The following GEMIN5 variants were observed in gnomAD, a reference collection of about 807,000 sequenced individuals.
GEMIN5 encodes the protein gem nuclear organelle associated protein 5, also known as gem-associated protein 5.
GEMIN5 carries 124 observed loss-of-function variants against 176.9 expected under a neutral mutation model. The ratio of observed to expected loss-of-function variants is 0.70; its 90% CI spans 0.61 to 0.81. The LOEUF (loss-of-function observed/expected upper bound fraction) is 0.81, where lower values mean the gene tolerates loss of function less well. Ranked by LOEUF, GEMIN5 falls within the 40% of genes least tolerant of loss-of-function variation. GEMIN5 has a pLI of 0.00. For synonymous variants in GEMIN5, 673 were observed against 665.2 expected (o/e 1.01, Z -0.18); for missense variants, 1,843 against 1,814.6 (o/e 1.02, Z -0.28).
rs116664700 is a variant in GEMIN5 at position 154,901,946 on chromosome 5, A to G, written c.2867-460T>C. Among the ~76,000 whole-genome samples, 434 of 152,210 alleles carry G rather than the reference A, an allele frequency of 2.9e-3. 2 individuals are homozygous for G. Among genetic ancestry groups the G allele is most frequent in the African/African-American group, 9.8e-3 (406 of 41,544 alleles). On this transcript the variant is annotated intron_variant, in intron 20 of 27. Coordinates refer to ENST00000285873, the MANE Select transcript of GEMIN5 (RefSeq NM_015465.5). Reference sequence around the variant, plus strand: ...CTCCCGAGTAGCGGGGACTACAGGTACATGTCACCATGCCCAGATAATTTT... The same window carrying G: ...CTCCCGAGTAGCGGGGACTACAGGTGCATGTCACCATGCCCAGATAATTTT...
At position 154,931,556 on chromosome 5, in the gene GEMIN5, C is replaced by T. The variant is rs150001407; in HGVS notation, c.683G>A (p.Gly228Glu). 1.9e-6 allele frequency: 3 copies of T among 1,604,598 alleles called. No homozygotes were observed. Among genetic ancestry groups the T allele is most frequent in the African/African-American group, 1.3e-5 (1 of 74,758 alleles). Reference protein sequence around the residue: ...ETSEEAEITNGNAVAQAPVTK... With the variant: ...ETSEEAEITNENAVAQAPVTK... ...TACTGGAGCTTGTGCTACAGCATTC[C>T]CGTTGGTAATTTCAGCTTCTTCTAT... Residue 228 changes from glycine (G) to glutamate (E), a missense_variant, in exon 5 of 28, where the codon GGG (glycine) becomes GAG (glutamate). Gly to Glu is a moderately conservative substitution (Grantham distance 98). Transcript: ENST00000285873.
chr5:154,924,467 A>C lies in GEMIN5; in HGVS notation c.1379+2T>G, dbSNP rs140946196. 2 of 1,591,478 alleles carry C rather than the reference A, an allele frequency of 1.3e-6. No homozygotes were observed. The highest frequency in any genetic ancestry group is 2.7e-5 in the African/African-American group (2 of 74,542). On this transcript the variant is annotated splice_donor_variant, in intron 9 of 27. Coordinates refer to ENST00000285873, the MANE Select transcript of GEMIN5 (RefSeq NM_015465.5). LOFTEE classifies it high-confidence loss of function. ...ATGGAAGAAGAATCACCCATTTCTT[A>C]CTTGTTGGAGTAGGTGTCATACAAT...
chr5:154,917,997 A>G lies in GEMIN5; in HGVS notation c.1607T>C (p.Leu536Ser). 1 of 1,608,596 alleles carries G rather than the reference A, an allele frequency of 6.2e-7. No homozygotes were observed. The highest frequency in any genetic ancestry group is 8.5e-7 in the Non-Finnish European group (1 of 1,175,140). ...CCAACTTATCTCTGTGTGTACAGGCAATTTGTACTAGAAAGCAAAACAAAC... is the reference window on the plus strand; with the variant it reads ...CCAACTTATCTCTGTGTGTACAGGCGATTTGTACTAGAAAGCAAAACAAAC... ...IRDTNSIKYK[L>S]PVHTEISWKA... Residue 536 changes from leucine to serine, a missense_variant, in exon 12 of 28, where the codon TTG becomes TCG. By Grantham distance (145) the Leu-to-Ser change is moderately radical. Coordinates refer to ENST00000285873, the MANE Select transcript of GEMIN5 (RefSeq NM_015465.5).
intron 25 of GEMIN5, 130 bp from the exon 26 acceptor site, chr5:154,891,872 C>T: frequency 2.3e-6 from 2 of 856,464 alleles, no homozygotes; most frequent in Admixed American, 5.3e-5. Flanking sequence ...CAGTGTGATC[C>T]ACCGGGCCAC....
chr5:154,929,228 G>A (rs1465012977), intron 5 of GEMIN5, among the ~76,000 whole-genome samples: 3 of 152,112 alleles, frequency 2.0e-5, no homozygotes, highest in Non-Finnish European at 4.4e-5. Context: ...TGCCTCAAAA[G>A]AAAAAGAGTA....
intron 5 of GEMIN5, 105 bp downstream of exon 5, chr5:154,931,353 A>T: frequency 8.5e-7 from 1 of 1,170,446 alleles, no homozygotes; most frequent in Non-Finnish European, 1.2e-6. Context: ...AAAGTGAAGA[A>T]CTGCTCTCAA....
intron 19 of GEMIN5, 67 bp from the exon 20 acceptor site, chr5:154,902,743 G>C: frequency 6.6e-7 from 1 of 1,513,074 alleles, no homozygotes; most frequent in Non-Finnish European, 9.1e-7. Flanking sequence ...TGTAGGAAAA[G>C]AAAGGCAAGA....
At chr5:154,925,802 TA>T in intron 8 of GEMIN5, 59 bp downstream of exon 8, 1 of 941,736 alleles carries the variant, frequency 1.1e-6, no homozygotes, top group South Asian at 1.4e-5. Flanking sequence ...TGAACAGGCA[TA>T]AAAGAGAATT....
intron 22 of GEMIN5, 92 bp downstream of exon 22, chr5:154,899,099 C>G (rs1763413770): frequency 8.0e-7 from 1 of 1,251,292 alleles, no homozygotes; most frequent in Admixed American, 2.5e-5. Flanking sequence ...TGCTTTACCT[C>G]CACCTCTAAA....
intron 25 of GEMIN5, 43 bp downstream of exon 25, chr5:154,892,344 T>C: frequency 6.7e-7 from 1 of 1,498,450 alleles, no homozygotes; most frequent in Non-Finnish European, 9.3e-7. Flanking sequence ...GTGGTGATGT[T>C]GTCCATTAAA....
At chr5:154,937,943 C>T in intron 1 of GEMIN5, 25 bp downstream of exon 1, 1 of 1,543,500 alleles carries the variant, frequency 6.5e-7, no homozygotes, top group South Asian at 1.2e-5. Context: ...GGCAGTAAGT[C>T]TCGGGCCCAA....
intron 11 of GEMIN5, 103 bp downstream of exon 11, chr5:154,919,864 A>G (rs987575535): frequency 7.3e-6 from 7 of 964,962 alleles, no homozygotes; most frequent in Non-Finnish European, 7.9e-6. Context: ...CTGACTTAGT[A>G]TGATGATGGT....
chr5:154,902,047 C>A lies in GEMIN5; in HGVS notation c.2866+492G>T, dbSNP rs565385316. On this transcript the variant is annotated intron_variant, in intron 20 of 27. Coordinates refer to ENST00000285873, the MANE Select transcript of GEMIN5 (RefSeq NM_015465.5). ...AAACTCCTGGGATCAAGTGACCTGC[C>A]CACCTCGGCCTCCCGAAATGCTGGT... Among the ~76,000 whole-genome samples the A allele has an allele frequency of 8.5e-5, 13 of 152,104 alleles. No homozygotes were observed. In the South Asian group the frequency reaches 1.5e-3, roughly 17 times the overall value.
In GEMIN5 at chr5:154,920,019, C is replaced by A. The variant is rs1489830539; in HGVS notation, c.1547G>T (p.Ser516Ile). Residue 516 changes from serine to isoleucine, a missense_variant, in exon 11 of 28, where the codon AGT becomes ATT. Ser to Ile is a moderately radical substitution (Grantham distance 142). Coordinates refer to ENST00000285873, the MANE Select transcript of GEMIN5 (RefSeq NM_015465.5). Reference sequence around the variant, plus strand: ...TTTGTTGATGTCAAAGGCTTCTCCACTAAGCTTCCAGGGATTATGCTGTAA... The same window carrying A: ...TTTGTTGATGTCAAAGGCTTCTCCAATAAGCTTCCAGGGATTATGCTGTAA... ...IVLQHNPWKL[S>I]GEAFDINKLI... The A allele has an allele frequency of 6.2e-7, 1 of 1,613,728 alleles. No homozygotes were observed. Among genetic ancestry groups the A allele is most frequent in the Non-Finnish European group, 8.5e-7 (1 of 1,179,710 alleles).
At chr5:154,892,901 A>G (rs1272917246) in intron 24 of GEMIN5, among the ~76,000 whole-genome samples, 2 of 152,064 alleles carry the variant, frequency 1.3e-5, no homozygotes, top group African/African-American at 2.4e-5. Flanking sequence ...GTTCAAGACC[A>G]GCCTGGCCAA....
At chr5:154,908,632 C>T (rs1187491371) in intron 15 of GEMIN5, among the ~76,000 whole-genome samples, 1 of 152,198 alleles carries the variant, frequency 6.6e-6, no homozygotes, top group Non-Finnish European at 1.5e-5. Flanking sequence ...GATTACAAGA[C>T]AGTTATTTTG....
chr5:154,924,772 G>A lies in GEMIN5; in HGVS notation c.1294-218C>T, dbSNP rs368144941. Among the ~76,000 whole-genome samples, 248 of 152,114 alleles carry A rather than the reference G, an allele frequency of 1.6e-3. 1 individual carries two copies. The highest frequency in any genetic ancestry group is 0.01 in the South Asian group (50 of 4,810). On this transcript the variant is annotated intron_variant, in intron 8 of 27. Transcript: ENST00000285873. ...TGGGAGGCAGAGGCGGGCGGATCAC[G>A]AGGTCAGGAGATCGAGACCATCCTG...
chr5:154,895,336 GAAAA>G (rs370508883), intron 24 of GEMIN5, among the ~76,000 whole-genome samples: 10,714 of 75,642 alleles, frequency 0.14, 434 homozygotes, highest in Middle Eastern at 0.22. Context: ...CTCCAGAAAG[GAAAA>G]AAAAAAAAAA....
chr5:154,899,312 T>C lies in GEMIN5; in HGVS notation c.3015-2A>G. 6.2e-7 allele frequency: 1 copy of C among 1,610,210 alleles called. No individual in the cohort carries two copies. The highest frequency in any genetic ancestry group is 8.5e-7 in the Non-Finnish European group (1 of 1,178,080). On this transcript the variant is annotated splice_acceptor_variant, in intron 21 of 27. Coordinates refer to ENST00000285873, the MANE Select transcript of GEMIN5 (RefSeq NM_015465.5). LOFTEE classifies it high-confidence loss of function. ...GCCTTGGCAATCGCAATAGCTTCCCTAAAGGCAAGAACAGACCCTTTAGCC... is the reference window on the plus strand; with the variant it reads ...GCCTTGGCAATCGCAATAGCTTCCCCAAAGGCAAGAACAGACCCTTTAGCC...
Sources: allele counts gnomAD v4.1 joint callset (sites outside exome capture counted in the v4.1 genomes callset), GRCh38; gene constraint gnomAD v4.1.1; transcripts MANE v1.5; gene names NCBI Gene and HGNC (gene_info 2026-07-23, HGNC 2026-07-21).